SNX29: variants seen among roughly 807,000 people sequenced by gnomAD.
The protein encoded by SNX29 is sorting nexin 29.
SNX29 carries 78 observed loss-of-function variants against 102.1 expected under a neutral mutation model. The ratio of observed to expected loss-of-function variants is 0.76; its 90% CI spans 0.64 to 0.92. The LOEUF is 0.92. Ranked by LOEUF, SNX29 falls within the 40% of genes least tolerant of loss-of-function variation. SNX29 has a pLI of 0.00. For synonymous variants in SNX29, 580 were observed against 414.5 expected, an observed-to-expected ratio of 1.40 and a Z score of -4.85; for missense variants, 1,280 against 1,061.7, an observed-to-expected ratio of 1.21 and a Z score of -2.86.
chr16:12,450,837 G>A (rs1319901553), intron 18 of SNX29, among the ~76,000 whole-genome samples: 5 of 152,088 alleles, frequency 3.3e-5, no homozygotes, highest in African/African-American at 1.2e-4. Flanking sequence ...GGAGGTCCTG[G>A]CAAGTACAGC....
At chr16:12,275,290 G>A (rs1306639256) in intron 14 of SNX29, among the ~76,000 whole-genome samples, 1 of 152,124 alleles carries the variant, frequency 6.6e-6, no homozygotes, top group Non-Finnish European at 1.5e-5. Context: ...GGGAATGAGT[G>A]GGGCTGGGGA....
rs1215729985 is a variant in SNX29 at position 12,572,640 on chromosome 16, TCCA to T, written c.*4015_*4017del. The T allele has an allele frequency of 4.7e-6, 5 of 1,063,364 alleles. No homozygotes were observed. The highest frequency in any genetic ancestry group is 1.6e-5 in the African/African-American group (1 of 60,904). The allele number at this position is 1,063,364 out of a possible 1,614,324, so 65.9% of individuals were successfully genotyped here. A position where few individuals can be genotyped will look rare whatever the true frequency, so the allele number is the denominator to read the frequency against. ...ACCCCCAGAATCCATCCTTCATTCC[TCCA>T]CCAAGCTCCTGTGTGAGCTGCAGCA... On this transcript the variant is annotated 3_prime_UTR_variant, in exon 21 of 21. Coordinates refer to ENST00000566228, the MANE Select transcript of SNX29 (RefSeq NM_032167.5).
intron 13 of SNX29, among the ~76,000 whole-genome samples, chr16:12,141,297 G>C (rs995990592): frequency 6.6e-6 from 1 of 152,184 alleles, no homozygotes; most frequent in African/African-American, 2.4e-5. Flanking sequence ...TGGTTGTGTG[G>C]TACTGCCTTG....
intron 16 of SNX29, among the ~76,000 whole-genome samples, chr16:12,370,136 C>T (rs1002343114): frequency 2.4e-4 from 36 of 151,870 alleles, no homozygotes; most frequent in African/African-American, 8.2e-4. Context: ...GCAGAAGAAT[C>T]GCTTAAATCC....
At chr16:12,542,173 CCT>C (rs1484617939) in intron 20 of SNX29, among the ~76,000 whole-genome samples, 1 of 152,150 alleles carries the variant, frequency 6.6e-6, no homozygotes, top group Admixed American at 6.6e-5. Context: ...GGTGTCAGGC[CCT>C]GTGCTAAGCC....
intron 20 of SNX29, among the ~76,000 whole-genome samples, chr16:12,554,943 C>T (rs193147518): frequency 6.7e-6 from 1 of 150,052 alleles, no homozygotes; most frequent in South Asian, 2.1e-4. Context: ...AGCACGGCCT[C>T]TGGAGAAAAC....
intron 3 of SNX29, among the ~76,000 whole-genome samples, chr16:12,005,062 C>T (rs563858507): frequency 6.6e-5 from 10 of 152,304 alleles, no homozygotes; most frequent in Admixed American, 2.6e-4. Context: ...ATATGTGTGC[C>T]ACCACGAAGC....
intron 18 of SNX29, among the ~76,000 whole-genome samples, chr16:12,468,002 G>A (rs376626766): frequency 5.3e-5 from 8 of 151,858 alleles, no homozygotes; most frequent in African/African-American, 2.4e-5. Context: ...ATCCCGGACC[G>A]GGCCCTGGTC....
chr16:12,156,984 T>G (rs1160977791), intron 13 of SNX29, among the ~76,000 whole-genome samples: 1 of 152,098 alleles, frequency 6.6e-6, no homozygotes, highest in Non-Finnish European at 1.5e-5. Context: ...GCAGAGCCTG[T>G]GTCAGGGGCT....
intron 18 of SNX29, among the ~76,000 whole-genome samples, chr16:12,459,937 A>G (rs1160448372): frequency 1.3e-5 from 2 of 152,228 alleles, no homozygotes; most frequent in Non-Finnish European, 2.9e-5. Flanking sequence ...CCATCGGCCT[A>G]GCTCACAGAG....
rs1299135451 is a variant in SNX29, at chr16:12,184,172, T to C, written c.1596-15429T>C. ...CTGGATCAGAACTCCTTTTCTGTAA[T>C]AGTATTATGCTGGAGAAAAAGGACA... On this transcript the variant is annotated intron_variant, in intron 13 of 20. Coordinates refer to ENST00000566228, the MANE Select transcript of SNX29 (RefSeq NM_032167.5). 2.6e-5 allele frequency among the ~76,000 whole-genome samples: 4 copies of C among 152,202 alleles called. No homozygotes were observed. In the East Asian group the frequency reaches 5.8e-4, roughly 22 times the overall value.
intron 20 of SNX29, among the ~76,000 whole-genome samples, chr16:12,532,779 G>A (rs1161822113): frequency 6.6e-6 from 1 of 152,180 alleles, no homozygotes; most frequent in Admixed American, 6.5e-5. Flanking sequence ...GGAGTCCATG[G>A]GGCAGAGGCA....
At chr16:12,305,117 C>CT (rs2080298427) in intron 15 of SNX29, among the ~76,000 whole-genome samples, 1 of 152,190 alleles carries the variant, frequency 6.6e-6, no homozygotes, top group African/African-American at 2.4e-5. Context: ...TTTCGGCTTT[C>CT]TAATGATTTG....
chr16:12,212,992 T>C (rs1435955288), intron 14 of SNX29, among the ~76,000 whole-genome samples: 1 of 152,142 alleles, frequency 6.6e-6, no homozygotes, highest in Non-Finnish European at 1.5e-5. Flanking sequence ...CATGCACCTG[T>C]AATCCCAGCT....
At chr16:12,099,873 T>G (rs1407992149) in intron 11 of SNX29, among the ~76,000 whole-genome samples, 2 of 152,158 alleles carry the variant, frequency 1.3e-5, no homozygotes, top group African/African-American at 4.8e-5. Flanking sequence ...AATCCATCTC[T>G]GGAGTGGCAC....
intron 18 of SNX29, among the ~76,000 whole-genome samples, chr16:12,458,496 T>A (rs1321751405): frequency 6.6e-6 from 1 of 152,106 alleles, no homozygotes; most frequent in Admixed American, 6.5e-5. Flanking sequence ...AGTAGTTATT[T>A]GAGGGTTTTG....
chr16:12,330,246 G>A (rs1273471829), intron 15 of SNX29, among the ~76,000 whole-genome samples: 2 of 152,134 alleles, frequency 1.3e-5, no homozygotes, highest in African/African-American at 4.8e-5. Context: ...TAACCTCTCT[G>A]TGCCTGTTTC....
intron 11 of SNX29, among the ~76,000 whole-genome samples, chr16:12,092,190 G>A (rs8063329): frequency 0.24 from 35,888 of 151,936 alleles, 4,333 homozygotes; most frequent in African/African-American, 0.29. Flanking sequence ...TGGGATACAA[G>A]CTCCCTGAGT....
At chr16:12,398,564 G>C (rs1291363720) in intron 17 of SNX29, 63 bp downstream of exon 17, 12 of 1,577,536 alleles carry the variant, frequency 7.6e-6, no homozygotes, top group Non-Finnish European at 1.0e-5. Context: ...GTTGGCTTCT[G>C]TCCCAGAAGA....
Sources: gnomAD v4.1 joint callset for allele counts (sites outside exome capture counted in the v4.1 genomes callset) on GRCh38, gnomAD v4.1.1 for gene constraint, MANE v1.5 for transcripts, NCBI Gene and HGNC (gene_info 2026-07-23, HGNC 2026-07-21) for gene names.